The following PDE5A variants were observed in gnomAD, a reference collection of about 807,000 sequenced individuals.
The protein encoded by PDE5A is phosphodiesterase 5A.
PDE5A carries 67 observed loss-of-function variants against 110.2 expected under a neutral mutation model. The ratio of observed to expected loss-of-function variants is 0.61; its 90% confidence interval spans 0.50 to 0.75. PDE5A has a LOEUF of 0.75. Among genes scored for constraint, PDE5A ranks in the 30% least tolerant of loss-of-function variants. The probability of loss-of-function intolerance (pLI) is 0.00; values close to 1 mark genes in which losing one functional copy is unlikely to be tolerated. For missense variants in PDE5A, 862 were observed against 1,045.1 expected (o/e 0.82, Z 2.42); for synonymous variants, 328 against 351.2 (o/e 0.93, Z 0.74).
intron 10 of PDE5A, among the ~76,000 whole-genome samples, chr4:119,541,565 G>A (rs1285633736): frequency 1.3e-5 from 2 of 151,972 alleles, no homozygotes; most frequent in African/African-American, 4.8e-5. Context: ...GGTACCATCT[G>A]GTATATTTTA....
intron 1 of PDE5A, among the ~76,000 whole-genome samples, chr4:119,625,527 A>G (rs1315459153): frequency 1.3e-5 from 2 of 152,222 alleles, no homozygotes; most frequent in East Asian, 3.9e-4. Context: ...AATAATGCAG[A>G]AATTGTTTTT....
chr4:119,503,787 C>G (rs951127196), intron 18 of PDE5A, among the ~76,000 whole-genome samples: 2 of 152,020 alleles, frequency 1.3e-5, no homozygotes, highest in Admixed American at 1.3e-4. Flanking sequence ...TGTAGATGCT[C>G]TCTTTCTTAA....
intron 3 of PDE5A, among the ~76,000 whole-genome samples, chr4:119,578,292 C>A (rs1421498095): frequency 6.6e-6 from 1 of 152,154 alleles, no homozygotes; most frequent in African/African-American, 2.4e-5. Flanking sequence ...AATGCCATCC[C>A]CATCAAGCTA....
At chr4:119,612,683 C>T (rs10013852) in intron 1 of PDE5A, among the ~76,000 whole-genome samples, 143,653 of 152,298 alleles carry the variant, frequency 0.94, 67,818 homozygotes, top group Non-Finnish European at 0.97. Flanking sequence ...CTTTTGCCCT[C>T]CTGTGAGGAC....
rs981396861 is a variant in PDE5A at position 119,543,490 on chromosome 4, T to C, written c.1397-856A>G. 2.6e-5 allele frequency among the ~76,000 whole-genome samples: 4 copies of C among 152,304 alleles called. No homozygotes were observed. The East Asian group carries it at 7.7e-4, about 29-fold the overall frequency. On this transcript the variant is annotated intron_variant, in intron 9 of 20. Coordinates refer to ENST00000354960, the MANE Select transcript of PDE5A (RefSeq NM_001083.4). Reference sequence around the variant, plus strand: ...ATAGGCATTGTGCTAAATACTTTGGTAGACACATGATCTCCAGTCTTCTCA... The same window carrying C: ...ATAGGCATTGTGCTAAATACTTTGGCAGACACATGATCTCCAGTCTTCTCA...
rs773618231 is a variant in PDE5A, at chr4:119,521,071, T to G, written c.1780-11A>C. 6.2e-7 allele frequency: 1 copy of G among 1,609,552 alleles called. No individual in the cohort carries two copies. Among genetic ancestry groups the G allele is most frequent in the Admixed American group, 1.7e-5 (1 of 59,694 alleles). On this transcript the variant is annotated splice_polypyrimidine_tract_variant and intron_variant, in intron 12 of 20. Transcript: ENST00000354960. ...CCATCTGCAAAGAACCTTTAGGGAA[T>G]AAAACATAAGTAGTAACAATAATTG...
Position 119,627,070 on chromosome 4 carries a change from G to T in PDE5A, c.152+1450C>A. On this transcript the variant is annotated intron_variant, in intron 1 of 20. Coordinates refer to ENST00000354960, the MANE Select transcript of PDE5A (RefSeq NM_001083.4). The surrounding 1 kb of genome is among the most constrained non-coding windows in gnomAD (Gnocchi z 4.6). Reference sequence around the variant, plus strand: ...ACATCGTCCCACTGGTGCCACCGGGGCGCCACCACCCAGCACCCGAGACCC... The same window carrying T: ...ACATCGTCCCACTGGTGCCACCGGGTCGCCACCACCCAGCACCCGAGACCC... 1 of 1,547,888 alleles carries T rather than the reference G, an allele frequency of 6.5e-7. No homozygotes were observed.
intron 19 of PDE5A, chr4:119,502,335 A>C: frequency 3.2e-6 from 1 of 309,696 alleles, no homozygotes; most frequent in Non-Finnish European, 6.0e-6. Context: ...CTAATACTTA[A>C]GCGGAAAAAA....
At chr4:119,534,509 G>A (rs376254463) in intron 11 of PDE5A, among the ~76,000 whole-genome samples, 14 of 151,780 alleles carry the variant, frequency 9.2e-5, no homozygotes, top group South Asian at 8.3e-4. Flanking sequence ...CATTCCGCCC[G>A]CCCCCCAACC....
At chr4:119,552,702 C>A in intron 8 of PDE5A, 65 bp from the exon 9 acceptor site, 1 of 799,044 alleles carries the variant, frequency 1.3e-6, no homozygotes, top group Admixed American at 3.3e-5. Flanking sequence ...CCATTAGATG[C>A]CATATAAACT....
At chr4:119,522,802 A>G (rs1726175829) in intron 12 of PDE5A, among the ~76,000 whole-genome samples, 1 of 139,502 alleles carries the variant, frequency 7.2e-6, no homozygotes, top group South Asian at 2.2e-4. Flanking sequence ...TATGCTGGAC[A>G]CCATTAAAAT....
At chr4:119,547,053 T>C (rs1727152700) in intron 9 of PDE5A, among the ~76,000 whole-genome samples, 1 of 151,594 alleles carries the variant, frequency 6.6e-6, no homozygotes, top group South Asian at 2.1e-4. Context: ...TCTCATCTTA[T>C]TTCAACCTTG....
rs530200943 is a variant in PDE5A at position 119,623,782 on chromosome 4, C to A, written c.152+4738G>T. On this transcript the variant is annotated intron_variant, in intron 1 of 20. Coordinates refer to ENST00000354960, the MANE Select transcript of PDE5A (RefSeq NM_001083.4). ...ACAATTTCTACAGATCATCAGATGA[C>A]AGACTGAAAAAAAGCTACTGAATGA... Among the ~76,000 whole-genome samples the A allele has an allele frequency of 2.6e-5, 4 of 152,128 alleles. No individual in the cohort carries two copies. In the South Asian group the frequency reaches 6.2e-4, roughly 24 times the overall value.
At chr4:119,532,987 T>A (rs1726600576) in intron 11 of PDE5A, among the ~76,000 whole-genome samples, 1 of 152,146 alleles carries the variant, frequency 6.6e-6, no homozygotes, top group Non-Finnish European at 1.5e-5. Flanking sequence ...AAGAAAAGGC[T>A]CTTTATTCAG....
chr4:119,573,183 C>A (rs1486538899), intron 3 of PDE5A, among the ~76,000 whole-genome samples: 1 of 152,128 alleles, frequency 6.6e-6, no homozygotes, highest in Non-Finnish European at 1.5e-5. Flanking sequence ...TTGTTTGCAA[C>A]TTTTTGCTAC....
intron 7 of PDE5A, among the ~76,000 whole-genome samples, chr4:119,558,111 G>A (rs775443150): frequency 2.3e-4 from 35 of 152,134 alleles, no homozygotes; most frequent in Middle Eastern, 3.4e-3. Flanking sequence ...TTCTAATTGG[G>A]TGGCTCTTGA....
In PDE5A at chr4:119,551,459, T is replaced by C. The variant is rs182979294; in HGVS notation, c.1396+1091A>G. On this transcript the variant is annotated intron_variant, in intron 9 of 20. Coordinates refer to ENST00000354960, the MANE Select transcript of PDE5A (RefSeq NM_001083.4). ...AGAATGTTGAATTGTGCTAAGCTGA[T>C]GTATTCCTTTCACAATAAGGATGCA... is the stretch of plus-strand genomic sequence containing the variant. Among the ~76,000 whole-genome samples, 105 of 152,318 alleles carry C rather than the reference T, an allele frequency of 6.9e-4. 1 individual carries two copies. Among genetic ancestry groups the C allele is most frequent in the Middle Eastern group, 6.8e-3 (2 of 294 alleles).
At position 119,525,701 on chromosome 4, in the gene PDE5A, G is replaced by A; in HGVS notation, c.1633-6C>T. The A allele has an allele frequency of 1.3e-6, 2 of 1,570,194 alleles. No individual in the cohort carries two copies. The highest frequency in any genetic ancestry group is 1.7e-6 in the Non-Finnish European group (2 of 1,164,490). On this transcript the variant is annotated splice_polypyrimidine_tract_variant and splice_region_variant and intron_variant, in intron 11 of 20. Transcript: ENST00000354960. This position sits in a 1 kb window ranked among gnomAD's most constrained non-coding sequence, Gnocchi z 4.3. ...GCAGATGGCACCACAGCAGCCTTGG[G>A]TAAGGAAAGAAGAAAAAAAAAAATG...
intron 3 of PDE5A, among the ~76,000 whole-genome samples, chr4:119,591,860 C>T (rs929156376): frequency 1.3e-5 from 2 of 152,096 alleles, no homozygotes; most frequent in East Asian, 3.9e-4. Context: ...GTTTAAAAAG[C>T]TGTGTTCTGG....
Sources: gnomAD v4.1 joint callset for allele counts (sites outside exome capture counted in the v4.1 genomes callset) on GRCh38, gnomAD v4.1.1 for gene constraint, Gnocchi (gnomAD v3.1) non-coding constraint, MANE v1.5 for transcripts, NCBI Gene and HGNC (gene_info 2026-07-23, HGNC 2026-07-21) for gene names.